The following CFAP77 variants were observed in gnomAD, a reference collection of about 807,000 sequenced individuals.
The protein encoded by CFAP77 is cilia and flagella associated protein 77, also known as cilia- and flagella-associated protein 77.
Under a neutral mutation model 31.1 loss-of-function variants are expected in CFAP77, and 25 were observed. The observed-to-expected ratio is 0.80, with a 90% CI of 0.59 to 1.12. CFAP77 has a LOEUF of 1.12. CFAP77 is among the 50% of genes most tolerant of loss of function. CFAP77 has a pLI of 0.00. For missense variants in CFAP77, 377 were observed against 397.3 expected (o/e 0.95, Z 0.44); for synonymous variants, 151 against 159.9 (o/e 0.94, Z 0.42).
chr9:132,474,500 T>C (rs1851314427), intron 1 of CFAP77, among the ~76,000 whole-genome samples: 1 of 151,976 alleles, frequency 6.6e-6, no homozygotes, highest in Non-Finnish European at 1.5e-5. Flanking sequence ...TATGCAGGGA[T>C]CAAAGGCCAC....
At chr9:132,492,206 T>A (rs777495527) in intron 1 of CFAP77, among the ~76,000 whole-genome samples, 31 of 152,172 alleles carry the variant, frequency 2.0e-4, no homozygotes, top group Non-Finnish European at 4.0e-4. Context: ...GAGGATCACT[T>A]GAGCCTGGAA....
intron 1 of CFAP77, among the ~76,000 whole-genome samples, chr9:132,435,303 A>G (rs530873658): frequency 6.6e-6 from 1 of 152,252 alleles, no homozygotes; most frequent in Admixed American, 6.5e-5. Context: ...TATTTACTGA[A>G]TGTTGTAACT....
At position 132,505,515 on chromosome 9, in the gene CFAP77, C is replaced by A. The variant is rs552189414; in HGVS notation, c.524+5915C>A. On this transcript the variant is annotated intron_variant, in intron 3 of 5. Coordinates refer to ENST00000393216, the MANE Select transcript of CFAP77 (RefSeq NM_001282957.2). Reference sequence around the variant, plus strand: ...TGTAGACATGGGGGCAGACTGGGGGCCGTGTAGACATAGGGTCAGTCCTGG... The same window carrying A: ...TGTAGACATGGGGGCAGACTGGGGGACGTGTAGACATAGGGTCAGTCCTGG... Among the ~76,000 whole-genome samples the A allele has an allele frequency of 3.3e-5, 5 of 151,650 alleles. No individual in the cohort carries two copies. The South Asian group carries it at 1.0e-3, about 32-fold the overall frequency.
At chr9:132,514,589 C>A (rs1017013288) in intron 3 of CFAP77, among the ~76,000 whole-genome samples, 2 of 152,168 alleles carry the variant, frequency 1.3e-5, no homozygotes, top group African/African-American at 4.8e-5. Flanking sequence ...CGAGCGCTGC[C>A]TTCCTTGCCG....
At position 132,554,045 on chromosome 9, in the gene CFAP77, G is replaced by A. The variant is rs1396185387; in HGVS notation, c.732+10998G>A. On this transcript the variant is annotated intron_variant, in intron 5 of 5. Coordinates refer to ENST00000393216, the MANE Select transcript of CFAP77 (RefSeq NM_001282957.2). The surrounding 1 kb of genome is among the most constrained non-coding windows in gnomAD (Gnocchi z 4.1). ...TCCAGGGGCTTGGCAATGACCCCAC[G>A]GGATGGGTAGTATGACCCTTACTTT... 2.0e-5 allele frequency among the ~76,000 whole-genome samples: 3 copies of A among 152,274 alleles called. No homozygotes were observed. Among genetic ancestry groups the A allele is most frequent in the East Asian group, 3.9e-4 (2 of 5,176 alleles).
At chr9:132,532,360 C>A (rs1361504759) in intron 3 of CFAP77, among the ~76,000 whole-genome samples, 3 of 152,186 alleles carry the variant, frequency 2.0e-5, no homozygotes, top group African/African-American at 4.8e-5. Context: ...CGTGGAGGAG[C>A]CCGGCAGAGA....
chr9:132,458,092 G>C (rs1850954016), intron 1 of CFAP77, among the ~76,000 whole-genome samples: 1 of 152,212 alleles, frequency 6.6e-6, no homozygotes, highest in Non-Finnish European at 1.5e-5. Context: ...CGTGGGGCTT[G>C]AGATGTGGGC....
intron 1 of CFAP77, among the ~76,000 whole-genome samples, chr9:132,412,779 G>T (rs1014075134): frequency 3.3e-5 from 5 of 152,052 alleles, no homozygotes; most frequent in African/African-American, 1.2e-4. Flanking sequence ...TGGTGTTTTT[G>T]ACTAAAGAAA....
intron 3 of CFAP77, among the ~76,000 whole-genome samples, chr9:132,531,901 G>A (rs1216001139): frequency 6.6e-6 from 1 of 152,182 alleles, no homozygotes; most frequent in Non-Finnish European, 1.5e-5. Context: ...GAGCCCGCAG[G>A]AGGGCTGAGG....
chr9:132,440,294 A>G (rs1191187208), intron 1 of CFAP77, among the ~76,000 whole-genome samples: 1 of 151,404 alleles, frequency 6.6e-6, no homozygotes, highest in Non-Finnish European at 1.5e-5. Flanking sequence ...CCATGGTTAC[A>G]CCACTGCACT....
rs1564238486 is a variant in CFAP77, at chr9:132,519,816, ATGGATGG to A, written c.525-17784_525-17778del. On this transcript the variant is annotated intron_variant, in intron 3 of 5. Transcript: ENST00000393216. ...GATGGATGGATGAATGGGTGGGTGGATGGATGGATGGATGGATGGATGGATGGATGGG... is the reference window on the plus strand; with the variant it reads ...GATGGATGGATGAATGGGTGGGTGGAATGGATGGATGGATGGATGGATGGG... 1.2e-4 allele frequency among the ~76,000 whole-genome samples: 3 copies of A among 24,452 alleles called. No individual in the cohort carries two copies. The African/African-American group carries it at 1.2e-3, about 10-fold the overall frequency. 16.0% of individuals were successfully genotyped at this position (24,452 alleles called of 152,430 possible).
chr9:132,526,620 GA>G (rs1852369965), intron 3 of CFAP77, among the ~76,000 whole-genome samples: 1 of 131,406 alleles, frequency 7.6e-6, no homozygotes, highest in Non-Finnish European at 1.7e-5. Context: ...GACTAATAAA[GA>G]AAAAAAGAGA....
chr9:132,478,150 G>A (rs1310427205), intron 1 of CFAP77, among the ~76,000 whole-genome samples: 4 of 151,950 alleles, frequency 2.6e-5, no homozygotes, highest in African/African-American at 9.7e-5. Context: ...GAGGTGACTC[G>A]ATCATGGGGG....
rs1003489079 is a variant in CFAP77 at position 132,494,007 on chromosome 9, G to A, written c.196-4688G>A. Among the ~76,000 whole-genome samples the A allele has an allele frequency of 1.8e-4, 28 of 151,946 alleles. 1 individual carries two copies. The highest frequency in any genetic ancestry group is 8.5e-4 in the Admixed American group (13 of 15,254). On this transcript the variant is annotated intron_variant, in intron 1 of 5. Coordinates refer to ENST00000393216, the MANE Select transcript of CFAP77 (RefSeq NM_001282957.2). ...GCTCACTGCAGCCTCCACCTCCCGGGTTCAAGTGGTTCTCCCACCTCAGCC... is the reference window on the plus strand; with the variant it reads ...GCTCACTGCAGCCTCCACCTCCCGGATTCAAGTGGTTCTCCCACCTCAGCC...
chr9:132,556,641 A>G (rs1852910238), intron 5 of CFAP77, among the ~76,000 whole-genome samples: 1 of 152,160 alleles, frequency 6.6e-6, no homozygotes, highest in African/African-American at 2.4e-5. Flanking sequence ...AGCCGGGCTG[A>G]CGAGCCCCTC....
Position 132,545,496 on chromosome 9 carries a change from C to T in CFAP77, c.732+2449C>T, listed in dbSNP as rs550949141. ...ATATACTGAGTGTTCGCCTCCTTTC[C>T]GAGGGTATTCGCAGGATGCTGGGAG... On this transcript the variant is annotated intron_variant, in intron 5 of 5. Transcript: ENST00000393216. This position sits in a 1 kb window ranked among gnomAD's most constrained non-coding sequence, Gnocchi z 4.6. Among the ~76,000 whole-genome samples, 4 of 152,292 alleles carry T rather than the reference C, an allele frequency of 2.6e-5. No individual in the cohort carries two copies. The highest frequency in any genetic ancestry group is 7.2e-5 in the African/African-American group (3 of 41,564).
At chr9:132,488,940 C>G (rs918367985) in intron 1 of CFAP77, among the ~76,000 whole-genome samples, 4 of 152,152 alleles carry the variant, frequency 2.6e-5, no homozygotes, top group African/African-American at 9.7e-5. Context: ...ATGAAGCTGT[C>G]TGCTGATGGG....
At chr9:132,535,400 T>C (rs1434768841) in intron 3 of CFAP77, among the ~76,000 whole-genome samples, 1 of 152,184 alleles carries the variant, frequency 6.6e-6, no homozygotes, top group Non-Finnish European at 1.5e-5. Context: ...CTAGGGATAT[T>C]CTGCCCAAAT....
At chr9:132,542,609 G>GC (rs761697096) in intron 4 of CFAP77, among the ~76,000 whole-genome samples, 2 of 152,236 alleles carry the variant, frequency 1.3e-5, no homozygotes, top group Non-Finnish European at 2.9e-5. Flanking sequence ...CACTGGGGCT[G>GC]CGTGAGCCAC....
Sources: allele counts gnomAD v4.1 joint callset (sites outside exome capture counted in the v4.1 genomes callset), GRCh38; gene constraint gnomAD v4.1.1; non-coding constraint Gnocchi (gnomAD v3.1); transcripts MANE v1.5; gene names NCBI Gene and HGNC (gene_info 2026-07-23, HGNC 2026-07-21).